The following TEX15 variants were observed in gnomAD, a reference collection of about 807,000 sequenced individuals.
TEX15 encodes the protein testis-expressed protein 15.
A neutral mutation model predicts 237.3 loss-of-function variants in TEX15; 171 were observed. The observed-to-expected ratio is 0.72, with a 90% CI of 0.64 to 0.82. The LOEUF is 0.82. Among genes scored for constraint, TEX15 ranks in the 40% least tolerant of loss-of-function variants. The probability of loss-of-function intolerance (pLI) is 0.00; values close to 1 mark genes in which losing one functional copy is unlikely to be tolerated. For synonymous variants in TEX15, 1,338 were observed against 1,269.8 expected, an observed-to-expected ratio of 1.05 and a Z score of -1.14; for missense variants, 3,750 against 3,646.5, an observed-to-expected ratio of 1.03 and a Z score of -0.73.
rs368088067 is a variant in TEX15, at chr8:30,846,354, T to G, written c.3813A>C (p.Ile1271=). The change falls in exon 8 of 11, where the codon ATA becomes ATC. Residue 1271 remains isoleucine (I), a synonymous_variant. Coordinates refer to ENST00000643185, the MANE Select transcript of TEX15 (RefSeq NM_001350162.2). ...LFTEPSNVTT[I]DDGSRCFFTK... is the part of the protein sequence containing the mutation. Reference sequence around the variant, plus strand: ...TAAAGAAACATCTGCTTCCATCATCTATTGTTGTGACATTAGAAGGTTCAG... The same window carrying G: ...TAAAGAAACATCTGCTTCCATCATCGATTGTTGTGACATTAGAAGGTTCAG... 137 of 1,613,108 alleles carry G rather than the reference T, an allele frequency of 8.5e-5. No homozygotes were observed. Among genetic ancestry groups the G allele is most frequent in the Non-Finnish European group, 1.1e-5 (13 of 1,179,670 alleles).
chr8:30,898,988 T>TA (rs748577191), intron 1 of TEX15, among the ~76,000 whole-genome samples, 171 bp from the exon 2 acceptor site: 8 of 152,146 alleles, frequency 5.3e-5, no homozygotes, highest in Non-Finnish European at 1.2e-4. Context: ...TTTCTGCATA[T>TA]CTCAGTTCCT....
intron 8 of TEX15, 63 bp downstream of exon 8, chr8:30,841,937 TTTGC>T (rs1433250227): frequency 3.5e-6 from 4 of 1,153,246 alleles, no homozygotes; most frequent in Non-Finnish European, 4.8e-6. Flanking sequence ...AAACTACTTG[TTTGC>T]TTATGAGTAG....
intron 7 of TEX15, among the ~76,000 whole-genome samples, chr8:30,854,259 C>CAA (rs1159366706): frequency 1.5e-4 from 10 of 64,966 alleles, no homozygotes; most frequent in African/African-American, 3.0e-4. Flanking sequence ...CCTGACTGAC[C>CAA]AAAAAAAAAA....
At chr8:30,880,168 A>C (rs1808488643) in intron 3 of TEX15, among the ~76,000 whole-genome samples, 1 of 152,078 alleles carries the variant, frequency 6.6e-6, no homozygotes. Flanking sequence ...AGCTGGGATT[A>C]TAGGCACCCA....
intron 2 of TEX15, among the ~76,000 whole-genome samples, chr8:30,896,003 G>A (rs1411976114): frequency 1.3e-5 from 2 of 152,022 alleles, no homozygotes; most frequent in African/African-American, 2.4e-5. Flanking sequence ...TTTAAAGAAA[G>A]TTCAGTACCA....
intron 2 of TEX15, 66 bp from the exon 3 acceptor site, chr8:30,887,377 A>C: frequency 7.7e-7 from 1 of 1,304,954 alleles, no homozygotes. Flanking sequence ...TGGCAGTACA[A>C]TCATTTAAAA....
chr8:30,895,431 G>T (rs1328548051), intron 2 of TEX15, among the ~76,000 whole-genome samples: 1 of 151,938 alleles, frequency 6.6e-6, no homozygotes, highest in Non-Finnish European at 1.5e-5. Flanking sequence ...TTTGTTGAAG[G>T]GTCAGAGGAT....
intron 5 of TEX15, among the ~76,000 whole-genome samples, chr8:30,862,582 TA>T (rs748652637): frequency 2.0e-4 from 31 of 152,250 alleles, no homozygotes; most frequent in Non-Finnish European, 4.0e-4. Context: ...TACTTTTTAA[TA>T]TAAAAGTAAA....
Position 30,842,333 on chromosome 8 carries a change from T to C in TEX15, c.7834A>G (p.Ile2612Val), listed in dbSNP as rs1469277866. 5.0e-6 allele frequency: 8 copies of C among 1,613,796 alleles called. No homozygotes were observed. The highest frequency in any genetic ancestry group is 6.8e-6 in the Non-Finnish European group (8 of 1,179,898). ...TCAATCGTTTTCATGACTTTCCTAA[T>C]GTGGGCCATTTTTCCTAAATCTTTC... is the stretch of plus-strand genomic sequence containing the variant. ...PRKDLGKMAHIRKVMKTIEHM... is the reference protein window; with the variant it reads ...PRKDLGKMAHVRKVMKTIEHM... The change falls in exon 8 of 11, where the codon ATT becomes GTT. Residue 2612 changes from isoleucine to valine, a missense_variant. Physicochemically the swap from Ile to Val is conservative, Grantham distance 29. Transcript: ENST00000643185.
Position 30,837,418 on chromosome 8 carries a change from G to C in TEX15, c.8866C>G (p.Pro2956Ala), listed in dbSNP as rs573662726. ...IPTLQINKLQ[P>A]TETESEDKYM... is the part of the protein sequence containing the mutation. ...TTGTCCTCTGACTCAGTTTCTGTAG[G>C]CTGTAGTTTGTTTATCTGCAGAGTA... is the stretch of plus-strand genomic sequence containing the variant. Residue 2956 changes from proline (P) to alanine (A), a missense_variant, in exon 10 of 11, where the codon CCT becomes GCT. Pro to Ala is a conservative substitution (Grantham distance 27). Coordinates refer to ENST00000643185, the MANE Select transcript of TEX15 (RefSeq NM_001350162.2). 8 of 1,614,110 alleles carry C rather than the reference G, an allele frequency of 5.0e-6. No homozygotes were observed. In the Admixed American group the frequency reaches 1.3e-4, roughly 27 times the overall value.
chr8:30,909,606 G>C (rs956196447), intron 1 of TEX15, among the ~76,000 whole-genome samples: 5 of 152,086 alleles, frequency 3.3e-5, no homozygotes, highest in African/African-American at 1.2e-4. Context: ...ACTTTGCTTA[G>C]TTTGTCATGT....
chr8:30,882,845 T>C (rs1808558390), intron 3 of TEX15, among the ~76,000 whole-genome samples: 1 of 151,992 alleles, frequency 6.6e-6, no homozygotes, highest in Non-Finnish European at 1.5e-5. Context: ...GTTTTATCAG[T>C]TTTGCTTCAT....
chr8:30,856,330 G>C (rs983062287), intron 7 of TEX15, among the ~76,000 whole-genome samples: 1 of 150,450 alleles, frequency 6.6e-6, no homozygotes, highest in Non-Finnish European at 1.5e-5. Context: ...GAGGCAGGTG[G>C]ATCACTTGAG....
intron 4 of TEX15, among the ~76,000 whole-genome samples, chr8:30,872,406 T>C (rs1282027718): frequency 5.3e-5 from 8 of 152,158 alleles, no homozygotes; most frequent in Non-Finnish European, 1.2e-4. Flanking sequence ...AAGTATAGCA[T>C]GTATGATTAT....
At position 30,844,635 on chromosome 8, in the gene TEX15, C is replaced by A; in HGVS notation, c.5532G>T (p.Thr1844=). 6.2e-7 allele frequency: 1 copy of A among 1,613,324 alleles called. No individual in the cohort carries two copies. Among genetic ancestry groups the A allele is most frequent in the African/African-American group, 1.3e-5 (1 of 75,014 alleles). The change falls in exon 8 of 11, where the codon ACG becomes ACT. Residue 1844 remains threonine (T), a synonymous_variant. Transcript: ENST00000643185. ...IVKKDTEDRI[T]WKVKQAEKAK... ...CTTTTTCCGCTTGTTTAACTTTCCA[C>A]GTTATTCTGTCCTCAGTGTCTTTCT...
rs773824660 is a variant in TEX15, at chr8:30,847,886, T to C, written c.2281A>G (p.Ile761Val). The change falls in exon 8 of 11, where the codon ATA becomes GTA. Residue 761 changes from isoleucine (I) to valine (V), a missense_variant. Ile to Val is a conservative substitution (Grantham distance 29). Transcript: ENST00000643185. ...GKINQNYASI[I>V]TEAFPKPKDI... ...TTTGGTTTCGGGAAAGCTTCAGTTA[T>C]AATGCTAGCATAATTTTGATTTATT... The C allele has an allele frequency of 2.9e-5, 47 of 1,613,830 alleles. No individual in the cohort carries two copies. Among genetic ancestry groups the C allele is most frequent in the Non-Finnish European group, 3.6e-5 (42 of 1,179,956 alleles).
At chr8:30,874,507 A>C (rs1285840300) in intron 4 of TEX15, among the ~76,000 whole-genome samples, 1 of 152,210 alleles carries the variant, frequency 6.6e-6, no homozygotes, top group Non-Finnish European at 1.5e-5. Flanking sequence ...TTCTAGTGGA[A>C]TAGCTGGAAA....
At position 30,912,887 on chromosome 8, in the gene TEX15, GTCT is replaced by G. The variant is rs906194540; in HGVS notation, c.-97_-95del. ...CCACATTCCCCACAAACCTTGAGCT[GTCT>G]TCTTTGCTCAGTCAGTTCCTCAGAC... On this transcript the variant is annotated 5_prime_UTR_variant, in exon 1 of 11. Transcript: ENST00000643185. The G allele has an allele frequency of 6.6e-6, 1 of 152,330 alleles. No individual in the cohort carries two copies. The highest frequency in any genetic ancestry group is 2.4e-5 in the African/African-American group (1 of 41,442). The allele number at this position is 152,330 out of a possible 1,614,324, so 9.4% of individuals were successfully genotyped here. A position where few individuals can be genotyped will look rare whatever the true frequency, so the allele number is the denominator to read the frequency against.
chr8:30,905,865 C>CA (rs1346988243), intron 1 of TEX15, among the ~76,000 whole-genome samples: 9 of 151,822 alleles, frequency 5.9e-5, no homozygotes. Context: ...GTGATCATGC[C>CA]ACTGCACTCC....
Sources: gnomAD v4.1 joint callset for allele counts (sites outside exome capture counted in the v4.1 genomes callset) on GRCh38, gnomAD v4.1.1 for gene constraint, MANE v1.5 for transcripts, NCBI Gene and HGNC (gene_info 2026-07-23, HGNC 2026-07-21) for gene names.